Variants in MEMO1 observed in about 807,000 individuals in gnomAD.
MEMO1 encodes the protein mediator of cell motility 1.
In MEMO1, 6 loss-of-function variants were observed where a neutral mutation model predicts 45.2. That is an observed-to-expected ratio of 0.13 (90% CI 0.07 to 0.26). MEMO1 has a LOEUF of 0.26. Among genes scored for constraint, MEMO1 ranks in the 10% least tolerant of loss-of-function variants. The pLI is 1.00. For synonymous variants in MEMO1, 78 were observed against 124.3 expected, an observed-to-expected ratio of 0.63 and a Z score of 2.48; for missense variants, 184 against 370.5, an observed-to-expected ratio of 0.50 and a Z score of 4.13.
At chr2:31,925,556 C>A (rs1332919990) in intron 4 of MEMO1, among the ~76,000 whole-genome samples, 2 of 151,380 alleles carry the variant, frequency 1.3e-5, no homozygotes, top group South Asian at 2.1e-4. Flanking sequence ...TCAAGTCACC[C>A]TCTTAAGGTC....
chr2:31,897,670 GAA>G (rs1678069734), intron 6 of MEMO1, among the ~76,000 whole-genome samples: 1 of 152,122 alleles, frequency 6.6e-6, no homozygotes, highest in African/African-American at 2.4e-5. Context: ...ATATTGGCCT[GAA>G]ATTTTCTTTT....
At position 31,929,161 on chromosome 2, in the gene MEMO1, C is replaced by T. The variant is rs572409502; in HGVS notation, c.212+2906G>A. On this transcript the variant is annotated intron_variant, in intron 4 of 9. Coordinates refer to ENST00000404530, the MANE Select transcript of MEMO1 (RefSeq NM_001301833.4). The stretch of plus-strand genomic sequence containing the variant: ...ACTGTTCATTTAAATTGGTACCTCA[C>T]TACTGTTTTTATTTCCATTTTTTTG... Among the ~76,000 whole-genome samples, 9 of 152,188 alleles carry T rather than the reference C, an allele frequency of 5.9e-5. No individual in the cohort carries two copies. The South Asian group carries it at 1.9e-3, about 32-fold the overall frequency.
chr2:31,909,664 A>G (rs1355553064), intron 6 of MEMO1, among the ~76,000 whole-genome samples: 1 of 152,230 alleles, frequency 6.6e-6, no homozygotes, highest in African/African-American at 2.4e-5. Flanking sequence ...AAGAATTAAT[A>G]TTGTTTAAAT....
At position 31,868,081 on chromosome 2, in the gene MEMO1, C is replaced by A. The variant is rs1306273063; in HGVS notation, c.*280G>T. 3 of 267,438 alleles carry A rather than the reference C, an allele frequency of 1.1e-5. No individual in the cohort carries two copies. The highest frequency in any genetic ancestry group is 1.1e-4 in the Admixed American group (2 of 17,948). 16.6% of individuals were successfully genotyped at this position (267,438 alleles called of 1,614,324 possible). ...TGGTAAATGCTTTACAAGTTACTTT[C>A]AAAAAACTGTCTGCCACAACTGAGC... On this transcript the variant is annotated 3_prime_UTR_variant, in exon 10 of 10. Coordinates refer to ENST00000404530, the MANE Select transcript of MEMO1 (RefSeq NM_001301833.4).
At chr2:31,928,546 C>A (rs1231120863) in intron 4 of MEMO1, among the ~76,000 whole-genome samples, 15 of 105,438 alleles carry the variant, frequency 1.4e-4, no homozygotes, top group African/African-American at 3.8e-4. Context: ...GACTCCATCT[C>A]AAAAAAAAAA....
intron 8 of MEMO1, among the ~76,000 whole-genome samples, chr2:31,879,426 T>C (rs1334412509): frequency 3.9e-5 from 6 of 152,174 alleles, no homozygotes; most frequent in Admixed American, 3.9e-4. Context: ...TCTCTGGAGA[T>C]TGACTCTCTA....
intron 8 of MEMO1, among the ~76,000 whole-genome samples, chr2:31,879,795 T>C (rs2147923400): frequency 6.6e-6 from 1 of 152,280 alleles, no homozygotes; most frequent in South Asian, 2.1e-4. Flanking sequence ...ACTCAATAAA[T>C]ACATGTGACT....
At chr2:32,006,900 G>A (rs1674149750) in intron 2 of MEMO1, among the ~76,000 whole-genome samples, 1 of 149,608 alleles carries the variant, frequency 6.7e-6, no homozygotes, top group African/African-American at 2.5e-5. Flanking sequence ...AGGAGGTGGA[G>A]GCTGCAGTGA....
chr2:31,983,380 G>A (rs9752651), intron 2 of MEMO1, among the ~76,000 whole-genome samples: 2 of 152,026 alleles, frequency 1.3e-5, no homozygotes, highest in Non-Finnish European at 2.9e-5. Context: ...ACAGGACTTA[G>A]AAGCAGTGAT....
chr2:31,957,124 G>A (rs1467828577), intron 2 of MEMO1, among the ~76,000 whole-genome samples: 4 of 138,972 alleles, frequency 2.9e-5, no homozygotes, highest in Admixed American at 7.7e-5. Flanking sequence ...CCTGGTCAAC[G>A]AAAGCGAAAC....
At chr2:32,010,464 A>G (rs1489711684) in intron 1 of MEMO1, 200 bp from the exon 2 acceptor site, 3 of 404,092 alleles carry the variant, frequency 7.4e-6, no homozygotes, top group Non-Finnish European at 1.4e-5. Context: ...GGCGGCAGCA[A>G]CAATCACCAC....
chr2:31,968,118 T>A (rs1343182078), intron 2 of MEMO1, among the ~76,000 whole-genome samples: 1 of 152,142 alleles, frequency 6.6e-6, no homozygotes, highest in East Asian at 1.9e-4. Flanking sequence ...AGAATAGAAT[T>A]AGCTGCTGTG....
At chr2:31,975,001 TC>T (rs957398059) in intron 2 of MEMO1, among the ~76,000 whole-genome samples, 1 of 151,326 alleles carries the variant, frequency 6.6e-6, no homozygotes, top group Non-Finnish European at 1.5e-5. Flanking sequence ...TGAAACCCCA[TC>T]TCTACTAAAA....
intron 8 of MEMO1, among the ~76,000 whole-genome samples, chr2:31,881,218 A>G (rs1472992806): frequency 2.0e-5 from 3 of 152,000 alleles, no homozygotes; most frequent in African/African-American, 4.8e-5. Flanking sequence ...GGCCAGGTGC[A>G]GTGGCTCATG....
At chr2:31,893,420 T>C in intron 6 of MEMO1, 2 of 1,002,008 alleles carry the variant, frequency 2.0e-6, no homozygotes, top group South Asian at 7.2e-5. Flanking sequence ...CCTGACTGAA[T>C]AGGGGCTCTT....
chr2:31,912,064 T>C (rs951375720), intron 6 of MEMO1, among the ~76,000 whole-genome samples: 2 of 152,054 alleles, frequency 1.3e-5, no homozygotes, highest in African/African-American at 4.8e-5. Flanking sequence ...CTGGGAGCGG[T>C]GGGTCACACC....
intron 2 of MEMO1, among the ~76,000 whole-genome samples, chr2:31,946,516 T>C (rs1270064843): frequency 1.3e-5 from 2 of 152,192 alleles, no homozygotes; most frequent in African/African-American, 2.4e-5. Flanking sequence ...ACGTGTCACA[T>C]AATGACGTTT....
chr2:31,933,340 AAAAAAAAAATTTATAT>A (rs1180308631), intron 3 of MEMO1, among the ~76,000 whole-genome samples: 58 of 57,480 alleles, frequency 1.0e-3, no homozygotes, highest in African/African-American at 3.9e-3. Context: ...AAAAAAAAAA[AAAAAAAAAATTTATAT>A]ATATATATAT....
At chr2:31,980,467 T>G (rs770707026) in intron 2 of MEMO1, among the ~76,000 whole-genome samples, 13 of 152,160 alleles carry the variant, frequency 8.5e-5, no homozygotes, top group Non-Finnish European at 1.9e-4. Context: ...AGATTTTTTT[T>G]ATTTTTAAGT....
Sources: allele counts gnomAD v4.1 joint callset (sites outside exome capture counted in the v4.1 genomes callset), GRCh38; gene constraint gnomAD v4.1.1; transcripts MANE v1.5; gene names NCBI Gene and HGNC (gene_info 2026-07-23, HGNC 2026-07-21).